Variants in UBAC2 observed in about 807,000 individuals in gnomAD.
The protein encoded by UBAC2 is UBA domain containing 2, also known as ubiquitin-associated domain-containing protein 2.
A neutral mutation model predicts 44.0 loss-of-function variants in UBAC2; 26 were observed. That is an observed-to-expected ratio of 0.59 (90% CI 0.43 to 0.82). The LOEUF (loss-of-function observed/expected upper bound fraction) is 0.82. UBAC2 is among the 40% of genes least tolerant of loss of function. The probability of loss-of-function intolerance (pLI) is 0.00; values close to 1 mark genes in which losing one functional copy is unlikely to be tolerated. For synonymous variants in UBAC2, 155 were observed against 154.3 expected, an observed-to-expected ratio of 1.00 and a Z score of -0.04; for missense variants, 329 against 419.4, an observed-to-expected ratio of 0.78 and a Z score of 1.88.
intron 1 of UBAC2, among the ~76,000 whole-genome samples, chr13:99,203,267 C>T (rs2042828269): frequency 6.6e-6 from 1 of 152,078 alleles, no homozygotes; most frequent in Admixed American, 6.6e-5. Context: ...AGCTCCTGAC[C>T]TCAAGTGGTC....
chr13:99,299,560 C>T (rs1288988198), intron 4 of UBAC2, among the ~76,000 whole-genome samples: 2 of 152,004 alleles, frequency 1.3e-5, no homozygotes, highest in Non-Finnish European at 2.9e-5. Flanking sequence ...TAATGCTGAA[C>T]GTTTCTATTC....
intron 4 of UBAC2, among the ~76,000 whole-genome samples, chr13:99,269,154 G>A (rs2043785079): frequency 1.3e-5 from 2 of 152,158 alleles, no homozygotes; most frequent in South Asian, 2.1e-4. Flanking sequence ...GGGAGAGTGC[G>A]AGGCAGGGGT....
At chr13:99,317,039 G>A (rs1440517314) in intron 5 of UBAC2, among the ~76,000 whole-genome samples, 2 of 152,206 alleles carry the variant, frequency 1.3e-5, no homozygotes, top group African/African-American at 2.4e-5. Context: ...CAAAGGTTCA[G>A]ATTTAAAGTT....
intron 4 of UBAC2, among the ~76,000 whole-genome samples, 174 bp downstream of exon 4, chr13:99,244,798 T>C (rs373305963): frequency 3.0e-5 from 4 of 131,314 alleles, no homozygotes; most frequent in East Asian, 4.3e-4. Flanking sequence ...GTTCTTGAAA[T>C]AGAATCAATT....
At chr13:99,298,776 A>T (rs1210188442) in intron 4 of UBAC2, among the ~76,000 whole-genome samples, 1 of 152,218 alleles carries the variant, frequency 6.6e-6, no homozygotes, top group Non-Finnish European at 1.5e-5. Flanking sequence ...TTAGTTGGGA[A>T]AGGCTTCATG....
At chr13:99,209,275 T>C (rs2042911899) in intron 1 of UBAC2, among the ~76,000 whole-genome samples, 2 of 152,136 alleles carry the variant, frequency 1.3e-5, no homozygotes, top group African/African-American at 4.8e-5. Context: ...CAAAGCCCCC[T>C]CCTCCTGTCC....
chr13:99,221,987 T>C (rs559936964), intron 1 of UBAC2, among the ~76,000 whole-genome samples: 3 of 152,308 alleles, frequency 2.0e-5, no homozygotes, highest in Non-Finnish European at 4.4e-5. Context: ...TTGTCTTCTG[T>C]ATAAATCTGA....
chr13:99,379,916 G>A (rs1294782751), intron 8 of UBAC2, among the ~76,000 whole-genome samples: 3 of 152,188 alleles, frequency 2.0e-5, no homozygotes, highest in Non-Finnish European at 2.9e-5. Context: ...CAGAAAGTAA[G>A]CAAAAAAGCA....
chr13:99,227,845 G>T (rs1257353410), intron 1 of UBAC2, among the ~76,000 whole-genome samples: 2 of 152,178 alleles, frequency 1.3e-5, no homozygotes, highest in African/African-American at 2.4e-5. Flanking sequence ...TTCATTTGGT[G>T]CATGTGTTGG....
chr13:99,211,330 C>A (rs892713705), intron 1 of UBAC2, among the ~76,000 whole-genome samples: 1 of 152,166 alleles, frequency 6.6e-6, no homozygotes, highest in African/African-American at 2.4e-5. Context: ...CCTGTACTTT[C>A]TACTGTATCA....
rs1411798115 is a variant in UBAC2 at position 99,338,321 on chromosome 13, G to A, written c.562-1999G>A. Among the ~76,000 whole-genome samples the A allele has an allele frequency of 2.6e-5, 4 of 152,110 alleles. No individual in the cohort carries two copies. In the East Asian group the frequency reaches 7.7e-4, roughly 29 times the overall value. ...GATCCGCCCGCCTTGGCCTCCCAAAGTGCAGGGATGACAGGTGTGAGCCAC... is the reference window on the plus strand; with the variant it reads ...GATCCGCCCGCCTTGGCCTCCCAAAATGCAGGGATGACAGGTGTGAGCCAC... On this transcript the variant is annotated intron_variant, in intron 6 of 8. Transcript: ENST00000403766.
At chr13:99,347,319 G>GCCGCCCCCCCCCCCCC (rs1555331218) in intron 7 of UBAC2, among the ~76,000 whole-genome samples, 1 of 20,550 alleles carries the variant, frequency 4.9e-5, no homozygotes, top group Admixed American at 7.2e-4. Context: ...ATCCCCGGGC[G>GCCGCCCCCCCCCCCCC]CCCCCCCCCC....
chr13:99,307,580 TA>T (rs1310199407), intron 4 of UBAC2, among the ~76,000 whole-genome samples: 5 of 151,810 alleles, frequency 3.3e-5, no homozygotes, highest in Admixed American at 1.3e-4. Context: ...TTATAGTGAT[TA>T]AAAAAAACTA....
At chr13:99,319,180 A>G (rs184141323) in intron 6 of UBAC2, among the ~76,000 whole-genome samples, 1 of 152,190 alleles carries the variant, frequency 6.6e-6, no homozygotes, top group Non-Finnish European at 1.5e-5. Context: ...TTTTAATAAT[A>G]AGCGTTTGTC....
intron 7 of UBAC2, among the ~76,000 whole-genome samples, chr13:99,351,289 T>TCTTA (rs1449418568): frequency 2.0e-5 from 3 of 152,228 alleles, no homozygotes; most frequent in African/African-American, 7.2e-5. Flanking sequence ...TAGTTATTAC[T>TCTTA]CGTAAAAGCT....
chr13:99,216,834 C>CTTTTTTTTTT lies in UBAC2; in HGVS notation c.31+15899_31+15908dup, dbSNP rs11338165. 3.5e-3 allele frequency among the ~76,000 whole-genome samples: 491 copies of CTTTTTTTTTT among 140,574 alleles called. 10 individuals carry two copies. Among genetic ancestry groups the CTTTTTTTTTT allele is most frequent in the African/African-American group, 0.011 (431 of 37,558 alleles). The allele number at this position is 140,574 out of a possible 152,430, so 92.2% of individuals were successfully genotyped here. On this transcript the variant is annotated intron_variant, in intron 1 of 8. Coordinates refer to ENST00000403766, the MANE Select transcript of UBAC2 (RefSeq NM_001144072.2). The stretch of plus-strand genomic sequence containing the variant: ...TTTTTGTTGGACTCTTTTCTTTTTT[C>CTTTTTTTTTT]TTTTTTTTTTTTTGAGACGAAGTCT...
chr13:99,304,205 C>A (rs1040253287), intron 4 of UBAC2, among the ~76,000 whole-genome samples: 3 of 152,192 alleles, frequency 2.0e-5, no homozygotes, highest in African/African-American at 7.2e-5. Flanking sequence ...TACTTAGAAC[C>A]TTTGGATATC....
At chr13:99,341,000 C>T (rs1251131173) in intron 7 of UBAC2, among the ~76,000 whole-genome samples, 1 of 149,002 alleles carries the variant, frequency 6.7e-6, no homozygotes, top group Non-Finnish European at 1.5e-5. Context: ...AGAAGATTTT[C>T]AGTGGAACAA....
chr13:99,201,235 G>T (rs1352069982), intron 1 of UBAC2: 1 of 1,434,192 alleles, frequency 7.0e-7, no homozygotes, highest in Non-Finnish European at 9.1e-7. Context: ...CAGGTGCCCT[G>T]GTGTTCTCGT....
Sources: allele counts gnomAD v4.1 joint callset (sites outside exome capture counted in the v4.1 genomes callset), GRCh38; gene constraint gnomAD v4.1.1; transcripts MANE v1.5; gene names NCBI Gene and HGNC (gene_info 2026-07-23, HGNC 2026-07-21).